Variants in CFAP251 observed in about 807,000 individuals in gnomAD.
CFAP251 encodes the protein cilia- and flagella-associated protein 251.
CFAP251 carries 93 observed loss-of-function variants against 126.7 expected under a neutral mutation model. That is an observed-to-expected ratio of 0.73 (90% CI 0.62 to 0.87). The LOEUF (loss-of-function observed/expected upper bound fraction) is 0.87, where lower values mean the gene tolerates loss of function less well. Among genes scored for constraint, CFAP251 ranks in the 40% least tolerant of loss-of-function variants. CFAP251 has a pLI of 0.00. For synonymous variants in CFAP251, 503 were observed against 506.9 expected, an observed-to-expected ratio of 0.99 and a Z score of 0.10; for missense variants, 1,287 against 1,389.2, an observed-to-expected ratio of 0.93 and a Z score of 1.17.
At chr12:121,982,886 G>A (rs1404850926) in intron 19 of CFAP251, among the ~76,000 whole-genome samples, 1 of 152,080 alleles carries the variant, frequency 6.6e-6, no homozygotes, top group East Asian at 1.9e-4. Flanking sequence ...AGGATCACTT[G>A]AGGCCAAGAG....
Position 122,003,800 on chromosome 12 carries a change from G to T in CFAP251, c.*36G>T. The T allele has an allele frequency of 6.5e-7, 1 of 1,535,914 alleles. No individual in the cohort carries two copies. The highest frequency in any genetic ancestry group is 1.2e-5 in the South Asian group (1 of 82,666). Reference sequence around the variant, plus strand: ...AATGTTTAAAGCACAAAGGACTTTGGGTGTGTGTGCATGCACATGTGTGTG... The same window carrying T: ...AATGTTTAAAGCACAAAGGACTTTGTGTGTGTGTGCATGCACATGTGTGTG... On this transcript the variant is annotated 3_prime_UTR_variant, in exon 22 of 22. Transcript: ENST00000288912.
In CFAP251 at chr12:121,958,289, C is replaced by T. The variant is rs1881799119; in HGVS notation, c.1748C>T (p.Thr583Ile). The change falls in exon 12 of 22, where the codon ACA becomes ATA. Residue 583 changes from threonine to isoleucine, a missense_variant. Coordinates refer to ENST00000288912, the MANE Select transcript of CFAP251 (RefSeq NM_144668.6). Reference sequence around the variant, plus strand: ...GCAAACAGGAATTTTATCATTGGAACATCTGATGCCGCGGTGTACCACTTA... The same window carrying T: ...GCAAACAGGAATTTTATCATTGGAATATCTGATGCCGCGGTGTACCACTTA... ...LFVLRNFIIG[T>I]SDAAVYHLTT... 1 of 1,614,006 alleles carries T rather than the reference C, an allele frequency of 6.2e-7. No individual in the cohort carries two copies. Among genetic ancestry groups the T allele is most frequent in the Non-Finnish European group, 8.5e-7 (1 of 1,179,996 alleles).
intron 7 of CFAP251, chr12:121,948,399 G>A (rs921542270): frequency 6.6e-6 from 1 of 152,082 alleles, no homozygotes; most frequent in Non-Finnish European, 1.5e-5. Context: ...TATTATTATT[G>A]TTATTATTTT....
chr12:122,003,088 T>C lies in CFAP251; in HGVS notation c.3338-564T>C, dbSNP rs867570575. ...CATCTTGAAACAGAAAAATCAATCATACCATGTGGTTAAGGCTTTCCAGTA... is the reference window on the plus strand; with the variant it reads ...CATCTTGAAACAGAAAAATCAATCACACCATGTGGTTAAGGCTTTCCAGTA... On this transcript the variant is annotated intron_variant, in intron 21 of 21. Transcript: ENST00000288912. Among the ~76,000 whole-genome samples, 16 of 152,316 alleles carry C rather than the reference T, an allele frequency of 1.1e-4. No individual in the cohort carries two copies. In the South Asian group the frequency reaches 3.1e-3, roughly 30 times the overall value.
chr12:121,968,104 T>C lies in CFAP251; in HGVS notation c.2706T>C (p.Asp902=), dbSNP rs1315012831. ...TGGCCGGCATGGCCGTTTCCTATGA[T>C]GGCTGCTACGCCTTCACTGCGGGAG... The part of the protein sequence containing the change: ...NGVAGMAVSY[D]GCYAFTAGGH... Residue 902 remains aspartate (D), a synonymous_variant, in exon 17 of 22, where the codon GAT becomes GAC. Transcript: ENST00000288912. The C allele has an allele frequency of 6.2e-7, 1 of 1,613,754 alleles. No homozygotes were observed. Among genetic ancestry groups the C allele is most frequent in the East Asian group, 2.2e-5 (1 of 44,864 alleles).
intron 7 of CFAP251, among the ~76,000 whole-genome samples, chr12:121,946,410 G>A (rs1881328215): frequency 1.3e-5 from 2 of 152,138 alleles, no homozygotes; most frequent in South Asian, 4.1e-4. Flanking sequence ...TAGAATTCTA[G>A]AGTGGTAGTA....
At chr12:121,962,348 G>T (rs1476581794) in intron 15 of CFAP251, among the ~76,000 whole-genome samples, 186 bp downstream of exon 15, 1 of 152,192 alleles carries the variant, frequency 6.6e-6, no homozygotes, top group Non-Finnish European at 1.5e-5. Flanking sequence ...GTGGCCCTGT[G>T]TGGAGGTGAG....
At chr12:121,968,550 T>C (rs976958701) in intron 17 of CFAP251, among the ~76,000 whole-genome samples, 8 of 152,144 alleles carry the variant, frequency 5.3e-5, no homozygotes, top group Non-Finnish European at 1.2e-4. Flanking sequence ...TCACCCTCCC[T>C]GCCCTGAATG....
chr12:121,921,786 CCATT>C, intron 2 of CFAP251, 103 bp downstream of exon 2: 1 of 1,075,742 alleles, frequency 9.3e-7, no homozygotes, highest in South Asian at 1.8e-5. Flanking sequence ...AAGGTACAAT[CCATT>C]CCTTTTTTTT....
intron 19 of CFAP251, among the ~76,000 whole-genome samples, chr12:121,987,455 C>G (rs955920260): frequency 6.6e-6 from 1 of 152,122 alleles, no homozygotes; most frequent in Non-Finnish European, 1.5e-5. Flanking sequence ...TGGTTCATAC[C>G]CGTAATCCCA....
intron 1 of CFAP251, among the ~76,000 whole-genome samples, chr12:121,919,744 C>G (rs1880079178): frequency 6.6e-6 from 1 of 152,026 alleles, no homozygotes; most frequent in African/African-American, 2.4e-5. Flanking sequence ...AGAATTGTTG[C>G]TAATATGTGG....
intron 7 of CFAP251, among the ~76,000 whole-genome samples, chr12:121,945,959 C>G (rs1881310499): frequency 6.6e-6 from 1 of 152,210 alleles, no homozygotes; most frequent in Admixed American, 6.5e-5. Context: ...AGCCACCATG[C>G]CTGGCCATAT....
At chr12:121,921,744 A>G in intron 2 of CFAP251, 61 bp downstream of exon 2, 1 of 1,505,424 alleles carries the variant, frequency 6.6e-7, no homozygotes, top group Non-Finnish European at 9.0e-7. Flanking sequence ...AATGCTTAGT[A>G]TAGGCCAGAC....
chr12:121,968,484 A>G (rs1882226363), intron 17 of CFAP251, among the ~76,000 whole-genome samples: 2 of 152,164 alleles, frequency 1.3e-5, no homozygotes, highest in South Asian at 4.1e-4. Flanking sequence ...CCTCCAAAGC[A>G]TATACTACGG....
chr12:121,926,053 G>C (rs1320050624), intron 3 of CFAP251, among the ~76,000 whole-genome samples: 2 of 129,162 alleles, frequency 1.5e-5, no homozygotes, highest in African/African-American at 2.9e-5. Flanking sequence ...TTTTAGTAGA[G>C]ACGGAGTTTC....
intron 17 of CFAP251, chr12:121,969,883 G>T (rs531443529): frequency 2.0e-6 from 2 of 985,396 alleles, no homozygotes; most frequent in Non-Finnish European, 2.4e-6. Flanking sequence ...AATAGCTTTC[G>T]CCTGGCCAGA....
rs371024714 is a variant in CFAP251, at chr12:121,957,263, C to T, written c.1725C>T (p.Val575=). 1 of 1,607,866 alleles carries T rather than the reference C, an allele frequency of 6.2e-7. No homozygotes were observed. The highest frequency in any genetic ancestry group is 8.5e-7 in the Non-Finnish European group (1 of 1,177,888). ...PDCTLKGDLF[V]LRNFIIGTSD... ...GCACTTTAAAAGGTGACCTTTTTGT[C>T]TTAAGGTAAGTTGTTAATGAATCTA... Residue 575 remains valine, a synonymous_variant, in exon 11 of 22, where the codon GTC becomes GTT. Coordinates refer to ENST00000288912, the MANE Select transcript of CFAP251 (RefSeq NM_144668.6).
rs900730729 is a variant in CFAP251, at chr12:121,958,454, A to G, written c.1913A>G (p.Lys638Arg). The change falls in exon 12 of 22, where the codon AAA becomes AGA. Residue 638 changes from lysine to arginine, a missense_variant. Lys to Arg is a conservative substitution (Grantham distance 26, BLOSUM62 2). Transcript: ENST00000288912. Reference sequence around the variant, plus strand: ...ATCAAAGTGTGGAATTATGAAAACAAACAATATCTTTTCAGCAGGGTTTTT... The same window carrying G: ...ATCAAAGTGTGGAATTATGAAAACAGACAATATCTTTTCAGCAGGGTTTTT... ...GMIKVWNYEN[K>R]QYLFSRVFEK... 2 of 1,614,246 alleles carry G rather than the reference A, an allele frequency of 1.2e-6. No individual in the cohort carries two copies.
At chr12:121,966,875 C>T (rs1191897317) in intron 15 of CFAP251, 80 bp from the exon 16 acceptor site, 12 of 1,368,216 alleles carry the variant, frequency 8.8e-6, no homozygotes, top group Middle Eastern at 1.9e-4. Context: ...TGAGCCACTG[C>T]GCCTGGCCCG....
Sources: gnomAD v4.1 joint callset for allele counts (sites outside exome capture counted in the v4.1 genomes callset) on GRCh38, gnomAD v4.1.1 for gene constraint, MANE v1.5 for transcripts, NCBI Gene and HGNC (gene_info 2026-07-23, HGNC 2026-07-21) for gene names.